The following ABCC4 variants were observed in gnomAD, a reference collection of about 807,000 sequenced individuals.
ABCC4 encodes ATP-binding cassette sub-family C member 4.
In ABCC4, 102 loss-of-function variants were observed where a neutral mutation model predicts 168.5. The observed-to-expected ratio is 0.61, with a 90% CI of 0.52 to 0.71. The LOEUF (loss-of-function observed/expected upper bound fraction) is 0.71, where lower values mean the gene tolerates loss of function less well. ABCC4 is among the 30% of genes least tolerant of loss of function. The pLI, the probability that ABCC4 is intolerant of heterozygous loss-of-function variation, is 0.00. For synonymous variants in ABCC4, 617 were observed against 590.7 expected (o/e 1.04, Z -0.65); for missense variants, 1,402 against 1,605.8 (o/e 0.87, Z 2.17).
Position 95,210,764 on chromosome 13 carries a change from G to A in ABCC4, c.549C>T (p.Asn183=), listed in dbSNP as rs2139685142. 6.2e-7 allele frequency: 1 copy of A among 1,613,850 alleles called. No homozygotes were observed. The highest frequency in any genetic ancestry group is 2.2e-5 in the East Asian group (1 of 44,884). Residue 183 remains asparagine (N), a synonymous_variant, in exon 5 of 31, where the codon AAC becomes AAT. Coordinates refer to ENST00000645237, the MANE Select transcript of ABCC4 (RefSeq NM_005845.5). ...MIYRKALRLS[N]MAMGKTTTGQ... is the part of the protein sequence containing the mutation. ...CTGTGGTTGTCTTCCCCATGGCCAT[G>A]TTACTAAGACGAAGTGCCTGAAATA...
At chr13:95,025,270 C>CA (rs2031410322) in intron 30 of ABCC4, among the ~76,000 whole-genome samples, 2 of 47,388 alleles carry the variant, frequency 4.2e-5, no homozygotes, top group Non-Finnish European at 7.7e-5. Flanking sequence ...CACCCCCACA[C>CA]CCCCACACAC....
chr13:95,127,535 C>T (rs1465401745), intron 19 of ABCC4, among the ~76,000 whole-genome samples: 1 of 152,182 alleles, frequency 6.6e-6, no homozygotes, highest in Non-Finnish European at 1.5e-5. Context: ...GCTTTGGCCT[C>T]CCAAAGTGCT....
intron 22 of ABCC4, among the ~76,000 whole-genome samples, chr13:95,074,869 A>G (rs1420636241): frequency 2.0e-5 from 3 of 152,214 alleles, no homozygotes; most frequent in Non-Finnish European, 2.9e-5. Context: ...GTGCCATTTA[A>G]TCAGCAAGAT....
At chr13:95,181,896 T>A (rs1053279464) in intron 11 of ABCC4, among the ~76,000 whole-genome samples, 7 of 152,196 alleles carry the variant, frequency 4.6e-5, no homozygotes, top group Admixed American at 1.3e-4. Flanking sequence ...TCTATCCATA[T>A]ACAGCACTAT....
At chr13:95,086,953 G>A (rs2034277188) in intron 20 of ABCC4, among the ~76,000 whole-genome samples, 1 of 152,168 alleles carries the variant, frequency 6.6e-6, no homozygotes, top group Admixed American at 6.5e-5. Context: ...GTAAGCCACT[G>A]AAGAATTGTG....
chr13:95,161,893 TA>T (rs2037112169), intron 18 of ABCC4: 1 of 152,164 alleles, frequency 6.6e-6, no homozygotes, highest in Non-Finnish European at 1.5e-5. Context: ...ATAAGATAAT[TA>T]ATCTAAATAA....
chr13:95,171,144 G>A (rs1012351480), intron 13 of ABCC4, among the ~76,000 whole-genome samples: 2 of 137,904 alleles, frequency 1.5e-5, no homozygotes, highest in African/African-American at 2.7e-5. Context: ...TACTAGATAC[G>A]AAAACAAATG....
intron 29 of ABCC4, among the ~76,000 whole-genome samples, chr13:95,041,188 T>C (rs750911167): frequency 1.3e-5 from 2 of 152,250 alleles, no homozygotes; most frequent in African/African-American, 2.4e-5. Context: ...AAATGAAGAT[T>C]AAATTAGCTG....
chr13:95,106,223 C>T (rs776655007), intron 20 of ABCC4, among the ~76,000 whole-genome samples: 10 of 152,056 alleles, frequency 6.6e-5, no homozygotes, highest in African/African-American at 9.7e-5. Context: ...TCATCTATTA[C>T]AGCCACAAAT....
intron 19 of ABCC4, among the ~76,000 whole-genome samples, chr13:95,125,569 A>G (rs982000570): frequency 2.6e-5 from 4 of 152,218 alleles, no homozygotes; most frequent in Admixed American, 2.0e-4. Context: ...GAGGACATGC[A>G]GCCTAATAAA....
In ABCC4 at chr13:95,112,350, C is replaced by CAA. The variant is rs35484789; in HGVS notation, c.2535+3570_2535+3571dup. 6.1e-5 allele frequency among the ~76,000 whole-genome samples: 8 copies of CAA among 131,752 alleles called. 1 individual carries two copies. Among genetic ancestry groups the CAA allele is most frequent in the Admixed American group, 4.0e-4 (5 of 12,608 alleles). The allele number at this position is 131,752 out of a possible 152,430, so 86.4% of individuals were successfully genotyped here. A position where few individuals can be genotyped will look rare whatever the true frequency, so the allele number is the denominator to read the frequency against. ...CCTGGGTAACAGAGTGAGACCATCT[C>CAA]AAAAAAAAAAAAAAGAAAGTCACAT... On this transcript the variant is annotated intron_variant, in intron 20 of 30. Coordinates refer to ENST00000645237, the MANE Select transcript of ABCC4 (RefSeq NM_005845.5).
At chr13:95,027,380 A>G (rs2031601467) in intron 30 of ABCC4, among the ~76,000 whole-genome samples, 1 of 152,176 alleles carries the variant, frequency 6.6e-6, no homozygotes, top group South Asian at 2.1e-4. Context: ...AAATATTACC[A>G]TTACTATGAA....
chr13:95,189,986 G>A (rs1311251718), intron 9 of ABCC4, among the ~76,000 whole-genome samples: 1 of 152,032 alleles, frequency 6.6e-6, no homozygotes, highest in Non-Finnish European at 1.5e-5. Context: ...AGGAGTATAT[G>A]CATGTTTTTA....
chr13:95,051,371 C>T (rs2032822374), intron 27 of ABCC4, among the ~76,000 whole-genome samples: 2 of 152,204 alleles, frequency 1.3e-5, no homozygotes, highest in Admixed American at 1.3e-4. Flanking sequence ...CAATTCAAAA[C>T]AACAACAATA....
intron 6 of ABCC4, among the ~76,000 whole-genome samples, chr13:95,208,604 ATTTCTTTTTTTTTTTTTT>A (rs1566528257): frequency 1.1e-5 from 1 of 89,516 alleles, no homozygotes; most frequent in East Asian, 4.0e-4. Flanking sequence ...CAAAAGCTGT[ATTTCTTTTTTTTTTTTTT>A]TTTTTTTTTT....
intron 4 of ABCC4, among the ~76,000 whole-genome samples, chr13:95,216,108 C>G (rs1334292169): frequency 6.6e-6 from 1 of 152,084 alleles, no homozygotes; most frequent in Non-Finnish European, 1.5e-5. Flanking sequence ...AACAAGAAAA[C>G]AACTATGAAG....
intron 1 of ABCC4, among the ~76,000 whole-genome samples, chr13:95,298,410 G>A (rs1285212085): frequency 6.6e-6 from 1 of 152,120 alleles, no homozygotes; most frequent in Non-Finnish European, 1.5e-5. Flanking sequence ...CCTCAAATCA[G>A]GATCACCTGG....
intron 1 of ABCC4, among the ~76,000 whole-genome samples, chr13:95,270,300 G>C (rs2040813701): frequency 7.0e-6 from 1 of 142,380 alleles, no homozygotes; most frequent in South Asian, 2.2e-4. Context: ...TTTTAATACA[G>C]TGATTTAAGA....
At chr13:95,193,030 A>C (rs1297937930) in intron 9 of ABCC4, among the ~76,000 whole-genome samples, 3 of 152,218 alleles carry the variant, frequency 2.0e-5, no homozygotes, top group Non-Finnish European at 4.4e-5. Flanking sequence ...TGATGTTCTA[A>C]ATATCTGGGA....
Sources: allele counts gnomAD v4.1 joint callset (sites outside exome capture counted in the v4.1 genomes callset), GRCh38; gene constraint gnomAD v4.1.1; transcripts MANE v1.5; gene names NCBI Gene and HGNC (gene_info 2026-07-23, HGNC 2026-07-21).